Variants in PARD3 observed in about 807,000 individuals in gnomAD.
PARD3 encodes partitioning defective 3 homolog.
Under a neutral mutation model 155.4 loss-of-function variants are expected in PARD3, and 75 were observed. The observed-to-expected ratio is 0.48, with a 90% CI of 0.40 to 0.58. The LOEUF is 0.58. Ranked by LOEUF, PARD3 falls within the 20% of genes least tolerant of loss-of-function variation. The pLI is 0.00. For synonymous variants in PARD3, 576 were observed against 610.5 expected (o/e 0.94, Z 0.83); for missense variants, 1,642 against 1,721.7 (o/e 0.95, Z 0.82).
At chr10:34,525,809 A>G (rs2082435684) in intron 2 of PARD3, among the ~76,000 whole-genome samples, 1 of 151,994 alleles carries the variant, frequency 6.6e-6, no homozygotes, top group African/African-American at 2.4e-5. Context: ...TCCACCAGGC[A>G]TGGTGGGTCA....
At chr10:34,684,860 T>C (rs867136555) in intron 2 of PARD3, among the ~76,000 whole-genome samples, 57 of 120,092 alleles carry the variant, frequency 4.7e-4, no homozygotes, top group African/African-American at 1.7e-3. Context: ...TATATACATG[T>C]ATATATATAC....
intron 1 of PARD3, among the ~76,000 whole-genome samples, chr10:34,812,867 T>C (rs73264839): frequency 0.035 from 5,285 of 152,220 alleles, 266 homozygotes; most frequent in African/African-American, 0.11. Flanking sequence ...TGCACTCCCT[T>C]TTCTACGCCC....
chr10:34,399,300 A>T (rs1843656237), intron 7 of PARD3, 30 bp downstream of exon 7: 1 of 1,317,344 alleles, frequency 7.6e-7, no homozygotes, highest in South Asian at 1.2e-5. Context: ...CTACATTATG[A>T]TTCAATTAAA....
intron 19 of PARD3, among the ~76,000 whole-genome samples, chr10:34,328,595 C>A (rs1456307823): frequency 6.6e-6 from 1 of 152,192 alleles, no homozygotes; most frequent in Non-Finnish European, 1.5e-5. Context: ...CTTTCCCACT[C>A]TCCAAACCCA....
intron 22 of PARD3, among the ~76,000 whole-genome samples, chr10:34,183,406 G>A (rs1294774046): frequency 6.6e-6 from 1 of 152,146 alleles, no homozygotes; most frequent in Non-Finnish European, 1.5e-5. Flanking sequence ...TCTTGATAAG[G>A]GTTTTTCGTT....
intron 1 of PARD3, among the ~76,000 whole-genome samples, chr10:34,779,600 G>A (rs1004767315): frequency 5.3e-5 from 8 of 152,156 alleles, no homozygotes; most frequent in Admixed American, 3.9e-4. Flanking sequence ...CAGCCTGGGC[G>A]ACACAGCGTG....
intron 1 of PARD3, among the ~76,000 whole-genome samples, chr10:34,743,632 G>A (rs1005208034): frequency 2.0e-5 from 3 of 152,082 alleles, no homozygotes; most frequent in Admixed American, 1.3e-4. Flanking sequence ...CTGCTTTCTC[G>A]AGCCACAAAG....
In PARD3 at chr10:34,142,024, G is replaced by A. The variant is rs576543502; in HGVS notation, c.3420-10441C>T. On this transcript the variant is annotated intron_variant, in intron 22 of 24. Coordinates refer to ENST00000374788, the MANE Select transcript of PARD3 (RefSeq NM_001184785.2). The stretch of plus-strand genomic sequence containing the variant: ...GGTTTTGGTTTAAGAAACCATATTC[G>A]AATAAGAGTGACTATTGTGAGAATG... 8.5e-5 allele frequency among the ~76,000 whole-genome samples: 13 copies of A among 152,254 alleles called. No homozygotes were observed. The South Asian group carries it at 2.7e-3, about 32-fold the overall frequency.
At chr10:34,265,241 A>G (rs1955241745) in intron 22 of PARD3, among the ~76,000 whole-genome samples, 1 of 152,228 alleles carries the variant, frequency 6.6e-6, no homozygotes, top group South Asian at 2.1e-4. Context: ...CAGACATGGG[A>G]CTATTTCTAG....
intron 3 of PARD3, among the ~76,000 whole-genome samples, chr10:34,496,153 G>A (rs139908915): frequency 1.4e-4 from 21 of 151,924 alleles, no homozygotes; most frequent in African/African-American, 3.9e-4. Context: ...AGCCAAGATT[G>A]CATCACTGCA....
chr10:34,405,766 C>A (rs541121040), intron 5 of PARD3, among the ~76,000 whole-genome samples: 1 of 152,144 alleles, frequency 6.6e-6, no homozygotes, highest in African/African-American at 2.4e-5. Context: ...GAGTATCTTC[C>A]TTTTATGTAG....
chr10:34,728,126 A>G (rs1410667517), intron 1 of PARD3, among the ~76,000 whole-genome samples: 1 of 150,080 alleles, frequency 6.7e-6, no homozygotes, highest in Non-Finnish European at 1.5e-5. Flanking sequence ...TCTGTAGGCA[A>G]GAAAAACACA....
At chr10:34,221,266 T>A (rs1315195977) in intron 22 of PARD3, among the ~76,000 whole-genome samples, 1 of 152,220 alleles carries the variant, frequency 6.6e-6, no homozygotes, top group Admixed American at 6.5e-5. Context: ...TAGCCCCATT[T>A]GTATGGCCAC....
At chr10:34,410,328 T>C (rs972442181) in intron 5 of PARD3, among the ~76,000 whole-genome samples, 3 of 151,948 alleles carry the variant, frequency 2.0e-5, no homozygotes, top group African/African-American at 7.2e-5. Flanking sequence ...TAGGTTTTTC[T>C]TTTCTTACAT....
intron 14 of PARD3, among the ~76,000 whole-genome samples, chr10:34,352,153 T>A (rs1159323002): frequency 6.6e-6 from 1 of 152,236 alleles, no homozygotes; most frequent in Non-Finnish European, 1.5e-5. Flanking sequence ...TATGTTAAAT[T>A]ACAGTAATTT....
At chr10:34,707,244 CAAA>C (rs774551239) in intron 1 of PARD3, among the ~76,000 whole-genome samples, 2 of 102,868 alleles carry the variant, frequency 1.9e-5, no homozygotes, top group Non-Finnish European at 4.1e-5. Flanking sequence ...GACCCTGTCT[CAAA>C]AAAAAAAAAA....
At chr10:34,426,159 C>T (rs1336383931) in intron 5 of PARD3, among the ~76,000 whole-genome samples, 1 of 152,072 alleles carries the variant, frequency 6.6e-6, no homozygotes, top group African/African-American at 2.4e-5. Flanking sequence ...TAAATTGTAT[C>T]TCTATCACTT....
At chr10:34,750,586 G>C (rs910520707) in intron 1 of PARD3, among the ~76,000 whole-genome samples, 2 of 151,954 alleles carry the variant, frequency 1.3e-5, no homozygotes, top group Non-Finnish European at 2.9e-5. Flanking sequence ...GAGGAGTGAG[G>C]AGTTAGGGGC....
chr10:34,184,639 T>C (rs1416089296), intron 22 of PARD3, among the ~76,000 whole-genome samples: 1 of 151,804 alleles, frequency 6.6e-6, no homozygotes, highest in African/African-American at 2.4e-5. Flanking sequence ...CAAGGGATTG[T>C]CGATTTACAA....
Sources: gnomAD v4.1 joint callset for allele counts (sites outside exome capture counted in the v4.1 genomes callset) on GRCh38, gnomAD v4.1.1 for gene constraint, MANE v1.5 for transcripts, NCBI Gene and HGNC (gene_info 2026-07-23, HGNC 2026-07-21) for gene names.